RANBP9: variants seen among roughly 807,000 people sequenced by gnomAD.
RANBP9 encodes the protein RAN binding protein 9, also known as ran-binding protein 9.
RANBP9 carries 15 observed loss-of-function variants against 84.3 expected under a neutral mutation model. That is an observed-to-expected ratio of 0.18 (90% CI 0.12 to 0.27). The LOEUF (loss-of-function observed/expected upper bound fraction) is 0.27. Among genes scored for constraint, RANBP9 ranks in the 10% least tolerant of loss-of-function variants. RANBP9 has a pLI of 1.00. For missense variants in RANBP9, 809 were observed against 912.8 expected, an observed-to-expected ratio of 0.89 and a Z score of 1.46; for synonymous variants, 392 against 349.6, an observed-to-expected ratio of 1.12 and a Z score of -1.35.
rs140993088 is a variant in RANBP9, at chr6:13,658,586, G to T, written c.736+194C>A. On this transcript the variant is annotated intron_variant, in intron 3 of 13. Coordinates refer to ENST00000011619, the MANE Select transcript of RANBP9 (RefSeq NM_005493.3). Reference sequence around the variant, plus strand: ...AACTGCGCCACTGCCCTCCAACCTGGGTGACACAGTGAGACTCTGTCTCAA... The same window carrying T: ...AACTGCGCCACTGCCCTCCAACCTGTGTGACACAGTGAGACTCTGTCTCAA... 3.3e-3 allele frequency among the ~76,000 whole-genome samples: 508 copies of T among 152,182 alleles called. 2 individuals are homozygous for T. The highest frequency in any genetic ancestry group is 0.012 in the African/African-American group (494 of 41,514).
At chr6:13,671,543 G>A (rs977948629) in intron 2 of RANBP9, among the ~76,000 whole-genome samples, 4 of 152,076 alleles carry the variant, frequency 2.6e-5, no homozygotes, top group African/African-American at 7.2e-5. Flanking sequence ...AGTCAGAAAC[G>A]AGAGGTCACA....
At position 13,691,498 on chromosome 6, in the gene RANBP9, CATA is replaced by C. The variant is rs1766320656; in HGVS notation, c.683+5284_683+5286del. ...TAGGAATTAAAAGTCTTTACAAGCACATAATACATTAACACCAGTTCTTTCTAC... is the reference window on the plus strand; with the variant it reads ...TAGGAATTAAAAGTCTTTACAAGCACATACATTAACACCAGTTCTTTCTAC... On this transcript the variant is annotated intron_variant, in intron 2 of 13. Coordinates refer to ENST00000011619, the MANE Select transcript of RANBP9 (RefSeq NM_005493.3). Among the ~76,000 whole-genome samples the C allele has an allele frequency of 5.3e-5, 8 of 152,302 alleles. No homozygotes were observed. The South Asian group carries it at 1.7e-3, about 32-fold the overall frequency.
At chr6:13,643,141 G>A (rs1383946232) in intron 6 of RANBP9, among the ~76,000 whole-genome samples, 2 of 152,250 alleles carry the variant, frequency 1.3e-5, no homozygotes, top group Admixed American at 6.5e-5. Context: ...ATGTCTATAA[G>A]TGTACTACTA....
chr6:13,626,074 A>G (rs1764595089), intron 12 of RANBP9, among the ~76,000 whole-genome samples: 1 of 152,162 alleles, frequency 6.6e-6, no homozygotes, highest in Non-Finnish European at 1.5e-5. Flanking sequence ...GTGGAAGGCA[A>G]AACATTCAGA....
chr6:13,664,753 G>A (rs1765611802), intron 2 of RANBP9, among the ~76,000 whole-genome samples: 1 of 152,204 alleles, frequency 6.6e-6, no homozygotes, highest in East Asian at 1.9e-4. Context: ...CTATTATGCA[G>A]CTATAAAAAA....
intron 1 of RANBP9, among the ~76,000 whole-genome samples, chr6:13,704,501 C>T (rs150908031): frequency 2.0e-5 from 3 of 152,068 alleles, no homozygotes; most frequent in African/African-American, 7.2e-5. Context: ...AATGGTGGCA[C>T]GTGCCTGTAG....
At chr6:13,650,620 T>C (rs1219282982) in intron 5 of RANBP9, among the ~76,000 whole-genome samples, 1 of 152,200 alleles carries the variant, frequency 6.6e-6, no homozygotes. Context: ...TTTCGTGATA[T>C]TGGTTAACAT....
chr6:13,633,908 A>G (rs1229330123), intron 11 of RANBP9, among the ~76,000 whole-genome samples: 2 of 149,856 alleles, frequency 1.3e-5, no homozygotes, highest in Non-Finnish European at 3.0e-5. Flanking sequence ...ATGCATGCTA[A>G]TGTGTCTTGG....
At chr6:13,642,764 C>G (rs916200310) in intron 6 of RANBP9, among the ~76,000 whole-genome samples, 173 bp from the exon 7 acceptor site, 1 of 152,086 alleles carries the variant, frequency 6.6e-6, no homozygotes, top group African/African-American at 2.4e-5. Context: ...TCATTTTGTT[C>G]TATTCATGTA....
At chr6:13,625,351 C>T (rs1764572528) in intron 13 of RANBP9, among the ~76,000 whole-genome samples, 1 of 152,132 alleles carries the variant, frequency 6.6e-6, no homozygotes, top group African/African-American at 2.4e-5. Context: ...CACCAAATCT[C>T]TCATTCTAAT....
At chr6:13,695,511 C>T (rs1197115730) in intron 2 of RANBP9, among the ~76,000 whole-genome samples, 1 of 145,300 alleles carries the variant, frequency 6.9e-6, no homozygotes, top group Non-Finnish European at 1.5e-5. Context: ...GTCTGGAGCT[C>T]GAGGGAATAA....
At chr6:13,693,102 C>T (rs1766365754) in intron 2 of RANBP9, among the ~76,000 whole-genome samples, 1 of 152,112 alleles carries the variant, frequency 6.6e-6, no homozygotes, top group African/African-American at 2.4e-5. Flanking sequence ...AGGCATATTC[C>T]TACTTTAAGG....
chr6:13,657,439 A>G (rs1449770821), intron 3 of RANBP9, among the ~76,000 whole-genome samples, 163 bp from the exon 4 acceptor site: 2 of 152,176 alleles, frequency 1.3e-5, no homozygotes, highest in Admixed American at 1.3e-4. Flanking sequence ...AATTTATTCT[A>G]TATTAAAATA....
chr6:13,688,625 G>A (rs1766246020), intron 2 of RANBP9, among the ~76,000 whole-genome samples: 1 of 151,668 alleles, frequency 6.6e-6, no homozygotes, highest in South Asian at 2.1e-4. Context: ...ACAGTATCTG[G>A]CACATAACAG....
chr6:13,647,899 C>G (rs1190583262), intron 5 of RANBP9, among the ~76,000 whole-genome samples: 1 of 152,024 alleles, frequency 6.6e-6, no homozygotes, highest in African/African-American at 2.4e-5. Flanking sequence ...TGCTATATTA[C>G]AGATTTTAAA....
rs889979011 is a variant in RANBP9 at position 13,665,038 on chromosome 6, A to G, written c.684-6206T>C. On this transcript the variant is annotated intron_variant, in intron 2 of 13. Transcript: ENST00000011619. ...ATGGAAAGTCTTTTGAACAAATAGT[A>G]AAAAGATAACTGACATCCATGTGGA... Among the ~76,000 whole-genome samples the G allele has an allele frequency of 1.2e-4, 18 of 152,198 alleles. 1 individual carries two copies. Among genetic ancestry groups the G allele is most frequent in the African/African-American group, 3.6e-4 (15 of 41,462 alleles).
chr6:13,663,610 GA>G (rs1034051722), intron 2 of RANBP9, among the ~76,000 whole-genome samples: 48 of 151,840 alleles, frequency 3.2e-4, no homozygotes, highest in African/African-American at 9.9e-4. Flanking sequence ...AACAGGTTAT[GA>G]AAAAAGATAC....
intron 2 of RANBP9, among the ~76,000 whole-genome samples, chr6:13,667,224 T>G (rs1013158868): frequency 5.0e-4 from 76 of 152,176 alleles, no homozygotes; most frequent in Non-Finnish European, 8.8e-5. Context: ...GCATTCTAGT[T>G]TAATTCCTAT....
intron 10 of RANBP9, 151 bp from the exon 11 acceptor site, chr6:13,634,703 G>A (rs1048903841): frequency 1.4e-4 from 116 of 821,616 alleles, no homozygotes; most frequent in East Asian, 2.0e-4. Context: ...AATCTTGAAC[G>A]TATTCAAAGC....
Sources: gnomAD v4.1 joint callset for allele counts (sites outside exome capture counted in the v4.1 genomes callset) on GRCh38, gnomAD v4.1.1 for gene constraint, MANE v1.5 for transcripts, NCBI Gene and HGNC (gene_info 2026-07-23, HGNC 2026-07-21) for gene names.